The following MYEF2 variants were observed in gnomAD, a reference collection of about 807,000 sequenced individuals.
MYEF2 encodes the protein myelin expression factor 2, also known as myelin gene expression factor 2.
MYEF2 carries 37 observed loss-of-function variants against 75.2 expected under a neutral mutation model. The observed-to-expected ratio is 0.49, with a 90% CI of 0.38 to 0.65. The LOEUF is 0.65. Ranked by LOEUF, MYEF2 falls within the 30% of genes least tolerant of loss-of-function variation. MYEF2 has a pLI of 0.00. For synonymous variants in MYEF2, 195 were observed against 241.6 expected, an observed-to-expected ratio of 0.81 and a Z score of 1.79; for missense variants, 634 against 771.4, an observed-to-expected ratio of 0.82 and a Z score of 2.11.
chr15:48,148,963 T>C, intron 16 of MYEF2, 69 bp downstream of exon 16: 2 of 1,515,042 alleles, frequency 1.3e-6, no homozygotes, highest in Non-Finnish European at 1.8e-6. Context: ...AAACACAGTG[T>C]ATAAAAGTTT....
At position 48,159,809 on chromosome 15, in the gene MYEF2, A is replaced by G. The variant is rs1209165712; in HGVS notation, c.526-5T>C. On this transcript the variant is annotated splice_polypyrimidine_tract_variant and splice_region_variant and intron_variant, in intron 5 of 16. Coordinates refer to ENST00000324324, the MANE Select transcript of MYEF2 (RefSeq NM_016132.5). ...AGCATTTTCTCCATCAGGATCCTAT[A>G]ACACACATTGAATGTTAAATTCCAC... is the stretch of plus-strand genomic sequence containing the variant. 5.0e-6 allele frequency: 8 copies of G among 1,606,214 alleles called. No individual in the cohort carries two copies. Among genetic ancestry groups the G allele is most frequent in the African/African-American group, 1.3e-5 (1 of 74,650 alleles).
In MYEF2 at chr15:48,168,589, T is replaced by C. The variant is rs11070626; in HGVS notation, c.370+42A>G. The C allele has an allele frequency of 0.98, 1,490,464 of 1,518,860 alleles. 733,537 individuals are homozygous for C. Among genetic ancestry groups the C allele is most frequent in the Non-Finnish European group, 1 (1,098,295 of 1,098,634 alleles). 94.1% of individuals were successfully genotyped at this position (1,518,860 alleles called of 1,614,324 possible). A position where few individuals can be genotyped will look rare whatever the true frequency, so the allele number is the denominator to read the frequency against. Reference sequence around the variant, plus strand: ...TTTGTGTAGTTCCCTCCCCTGCCTATATGAAGATTATCCAACAGTGGGTTA... The same window carrying C: ...TTTGTGTAGTTCCCTCCCCTGCCTACATGAAGATTATCCAACAGTGGGTTA... On this transcript the variant is annotated intron_variant, in intron 2 of 16. Transcript: ENST00000324324.
Position 48,134,845 on chromosome 15 carries a change from G to T in MYEF2, c.*8063C>A, listed in dbSNP as rs772962339. On this transcript the variant is annotated 3_prime_UTR_variant, in exon 17 of 17. Coordinates refer to ENST00000324324, the MANE Select transcript of MYEF2 (RefSeq NM_016132.5). ...TATACTAAGGATTGTACTTGAAGAA[G>T]TTACAATGTAATGGAAATAATAACT... 22 of 1,433,846 alleles carry T rather than the reference G, an allele frequency of 1.5e-5. No homozygotes were observed. Among genetic ancestry groups the T allele is most frequent in the Non-Finnish European group, 2.0e-5 (21 of 1,027,920 alleles). The allele number at this position is 1,433,846 out of a possible 1,614,324, so 88.8% of individuals were successfully genotyped here. A position where few individuals can be genotyped will look rare whatever the true frequency, so the allele number is the denominator to read the frequency against.
chr15:48,171,784 C>A (rs1430855853), intron 1 of MYEF2, among the ~76,000 whole-genome samples: 6 of 151,958 alleles, frequency 3.9e-5, no homozygotes, highest in East Asian at 3.9e-4. Flanking sequence ...CTACATAATT[C>A]CAAAATATTG....
At chr15:48,173,704 T>C (rs565000587) in intron 1 of MYEF2, among the ~76,000 whole-genome samples, 1 of 152,102 alleles carries the variant, frequency 6.6e-6, no homozygotes, top group South Asian at 2.1e-4. Flanking sequence ...TACACACTAA[T>C]AATAATGAAC....
Position 48,178,269 on chromosome 15 carries a change from G to C in MYEF2, c.-32C>G. 9 of 1,373,672 alleles carry C rather than the reference G, an allele frequency of 6.6e-6. No homozygotes were observed. The highest frequency in any genetic ancestry group is 8.4e-6 in the Non-Finnish European group (9 of 1,068,008). The allele number at this position is 1,373,672 out of a possible 1,614,324, so 85.1% of individuals were successfully genotyped here. On this transcript the variant is annotated 5_prime_UTR_variant, in exon 1 of 17. Coordinates refer to ENST00000324324, the MANE Select transcript of MYEF2 (RefSeq NM_016132.5). ...GCCGCTGCCTCCGCCTCGGCCGCCT[G>C]AGCTGAGGGGCTCCGAGCGCGACAA...
chr15:48,167,491 C>A, intron 2 of MYEF2, 90 bp from the exon 3 acceptor site: 14 of 1,142,516 alleles, frequency 1.2e-5, no homozygotes, highest in Non-Finnish European at 1.8e-5. Context: ...CACAACTCTA[C>A]AGAGAAGCAC....
chr15:48,167,307 G>T, intron 3 of MYEF2, 42 bp downstream of exon 3: 1 of 1,595,586 alleles, frequency 6.3e-7, no homozygotes, highest in South Asian at 1.1e-5. Flanking sequence ...AACTGCTGAG[G>T]AACTTTTAAA....
At chr15:48,168,101 G>A (rs150309242) in intron 2 of MYEF2, among the ~76,000 whole-genome samples, 1 of 151,522 alleles carries the variant, frequency 6.6e-6, no homozygotes, top group African/African-American at 2.4e-5. Context: ...ATAAGATGAA[G>A]GTTTTCAGAT....
chr15:48,176,642 T>G lies in MYEF2; in HGVS notation c.161+1435A>C, dbSNP rs573456818. On this transcript the variant is annotated intron_variant, in intron 1 of 16. Transcript: ENST00000324324. ...TTCTCTCTGTAATTCAAGGCTGCAC[T>G]TTTTGTTCAGGAGAAAAGGTGGCAT... is the stretch of plus-strand genomic sequence containing the variant. Among the ~76,000 whole-genome samples, 5 of 152,302 alleles carry G rather than the reference T, an allele frequency of 3.3e-5. No homozygotes were observed. In the South Asian group the frequency reaches 1.0e-3, roughly 32 times the overall value.
intron 5 of MYEF2, among the ~76,000 whole-genome samples, chr15:48,163,140 C>T (rs1269633098): frequency 1.3e-5 from 2 of 152,138 alleles, no homozygotes; most frequent in African/African-American, 4.8e-5. Flanking sequence ...GAAAGTGAAA[C>T]AGCCTTAATG....
At chr15:48,177,174 A>C (rs1009971139) in intron 1 of MYEF2, among the ~76,000 whole-genome samples, 1 of 152,220 alleles carries the variant, frequency 6.6e-6, no homozygotes, top group African/African-American at 2.4e-5. Context: ...TTAAGGAGGT[A>C]GGCATATGAA....
intron 6 of MYEF2, 111 bp from the exon 7 acceptor site, chr15:48,159,033 T>G (rs529119024): frequency 1.1e-6 from 1 of 881,694 alleles, no homozygotes. Flanking sequence ...TAATTCTAGT[T>G]CAACAATATA....
intron 5 of MYEF2, 140 bp from the exon 6 acceptor site, chr15:48,159,944 C>T (rs1398249461): frequency 4.8e-6 from 4 of 836,840 alleles, no homozygotes; most frequent in Non-Finnish European, 7.1e-6. Context: ...TTTTTCTCAT[C>T]CAGAGAATTG....
rs772412071 is a variant in MYEF2, at chr15:48,136,911, T to C, written c.*5997A>G. ...ATAGTGGAATATTTTATGAAGATTC[T>C]GGCTACTCTCAGCTCTCTATAAGTT... On this transcript the variant is annotated 3_prime_UTR_variant, in exon 17 of 17. Transcript: ENST00000324324. The C allele has an allele frequency of 3.1e-6, 5 of 1,613,732 alleles. No homozygotes were observed. The African/African-American group carries it at 6.7e-5, about 22-fold the overall frequency.
Position 48,142,097 on chromosome 15 carries a change from C to G in MYEF2, c.*811G>C. On this transcript the variant is annotated 3_prime_UTR_variant, in exon 17 of 17. Transcript: ENST00000324324. ...GTTTGATATGTTGTGCCTTGGTATT[C>G]CATGGTTTATTAAAACTGCATTTAT... The G allele has an allele frequency of 6.2e-7, 1 of 1,613,820 alleles. No individual in the cohort carries two copies. Among genetic ancestry groups the G allele is most frequent in the Non-Finnish European group, 8.5e-7 (1 of 1,179,866 alleles).
chr15:48,149,350 T>C lies in MYEF2; in HGVS notation c.1400A>G (p.Asn467Ser). The change falls in exon 15 of 17, where the codon AAC becomes AGC. Residue 467 changes from asparagine to serine, a missense_variant. Coordinates refer to ENST00000324324, the MANE Select transcript of MYEF2 (RefSeq NM_016132.5). This position sits in a 1 kb window ranked among gnomAD's most constrained non-coding sequence, Gnocchi z 4.0. Reference protein sequence around the residue: ...SGISGGMGSMNSVTGGMGMGL... With the variant: ...SGISGGMGSMSSVTGGMGMGL... ...CATCCCCATTCCTCCAGTCACACTG[T>C]TCATGCTACCCATTCCACCACCTGG... 1.2e-6 allele frequency: 2 copies of C among 1,612,890 alleles called. No individual in the cohort carries two copies. The highest frequency in any genetic ancestry group is 1.1e-5 in the South Asian group (1 of 91,018).
chr15:48,178,208 G>C lies in MYEF2; in HGVS notation c.30C>G (p.Pro10=). 2.7e-6 allele frequency: 4 copies of C among 1,485,620 alleles called. No homozygotes were observed. Among genetic ancestry groups the C allele is most frequent in the Non-Finnish European group, 3.6e-6 (4 of 1,120,638 alleles). The allele number at this position is 1,485,620 out of a possible 1,614,324, so 92.0% of individuals were successfully genotyped here. Residue 10 remains proline, a synonymous_variant, in exon 1 of 17, where the codon CCC becomes CCG. Transcript: ENST00000324324. MADANKAEV[P]GATGGDSPHL... is the part of the protein sequence containing the mutation. Reference sequence around the variant, plus strand: ...GCGGGCTGTCGCCACCAGTGGCCCCGGGCACCTCGGCCTTGTTGGCGTCCG... The same window carrying C: ...GCGGGCTGTCGCCACCAGTGGCCCCCGGCACCTCGGCCTTGTTGGCGTCCG...
intron 9 of MYEF2, chr15:48,157,621 T>C (rs2039752544): frequency 5.1e-6 from 2 of 394,384 alleles, no homozygotes; most frequent in South Asian, 9.8e-5. Context: ...TTCAAAATTA[T>C]TTTTGTTCCC....
Sources: allele counts gnomAD v4.1 joint callset (sites outside exome capture counted in the v4.1 genomes callset), GRCh38; gene constraint gnomAD v4.1.1; non-coding constraint Gnocchi (gnomAD v3.1); transcripts MANE v1.5; gene names NCBI Gene and HGNC (gene_info 2026-07-23, HGNC 2026-07-21).